TSPAN11: variants seen among roughly 807,000 people sequenced by gnomAD.
The protein encoded by TSPAN11 is tetraspanin-11.
TSPAN11 carries 29 observed loss-of-function variants against 32.9 expected under a neutral mutation model. The observed-to-expected ratio is 0.88, with a 90% CI of 0.66 to 1.20. TSPAN11 has a LOEUF of 1.20. Among genes scored for constraint, TSPAN11 ranks in the 50% most tolerant of loss-of-function variants. The probability of loss-of-function intolerance (pLI) is 0.00; values close to 1 mark genes in which losing one functional copy is unlikely to be tolerated. For missense variants in TSPAN11, 283 were observed against 329.1 expected (o/e 0.86, Z 1.08); for synonymous variants, 140 against 141.3 (o/e 0.99, Z 0.07).
At chr12:30,973,982 G>C (rs190430101) in intron 3 of TSPAN11, among the ~76,000 whole-genome samples, 93 of 152,280 alleles carry the variant, frequency 6.1e-4, no homozygotes, top group Admixed American at 5.2e-3. Context: ...GGTTGTACCT[G>C]GCCTCATGGA....
In TSPAN11 at chr12:30,950,038, G is replaced by A. The variant is rs915628777; in HGVS notation, c.-11-3943G>A. Among the ~76,000 whole-genome samples, 31 of 152,020 alleles carry A rather than the reference G, an allele frequency of 2.0e-4. 1 individual carries two copies. The highest frequency in any genetic ancestry group is 2.0e-3 in the Admixed American group (30 of 15,268). On this transcript the variant is annotated intron_variant, in intron 1 of 7. Transcript: ENST00000546076. The stretch of plus-strand genomic sequence containing the variant: ...TCCTCCCCTGCCTCTTACACACACT[G>A]CCTGCCTGATGGGACCTCCTCTCTA...
chr12:31,013,933 C>T, the TSPAN11 span, among the ~76,000 whole-genome samples: 19 of 152,184 alleles, frequency 1.2e-4, no homozygotes, highest in African/African-American at 4.6e-4. Context: ...GAATTTCAGA[C>T]TTAGGAAAAA....
the TSPAN11 span, among the ~76,000 whole-genome samples, chr12:31,010,406 T>C: frequency 6.6e-6 from 1 of 152,224 alleles, no homozygotes; most frequent in African/African-American, 2.4e-5. Context: ...TCATTACTTC[T>C]GAGTTCAGGC....
chr12:30,941,605 T>C (rs146115596), intron 1 of TSPAN11, among the ~76,000 whole-genome samples: 438 of 152,298 alleles, frequency 2.9e-3, no homozygotes, highest in African/African-American at 0.01. Flanking sequence ...CTAGCCCCCC[T>C]TAAGTTACAA....
intron 3 of TSPAN11, among the ~76,000 whole-genome samples, chr12:30,976,097 G>A (rs1022449675): frequency 3.3e-5 from 5 of 152,282 alleles, no homozygotes; most frequent in Non-Finnish European, 7.4e-5. Context: ...GGGTGAGGGT[G>A]AATGTGTAGC....
At chr12:30,945,757 A>G (rs1026897056) in intron 1 of TSPAN11, among the ~76,000 whole-genome samples, 1 of 152,052 alleles carries the variant, frequency 6.6e-6, no homozygotes, top group African/African-American at 2.4e-5. Context: ...GCCCTGAAGA[A>G]AGTCGCCAAA....
At chr12:31,005,024 G>A in the TSPAN11 span, among the ~76,000 whole-genome samples, 6 of 152,202 alleles carry the variant, frequency 3.9e-5, no homozygotes, top group South Asian at 2.1e-4. Flanking sequence ...TCCTCTCCAC[G>A]CATTCTGAGC....
At chr12:30,936,361 C>A (rs938147955) in intron 1 of TSPAN11, among the ~76,000 whole-genome samples, 5 of 152,202 alleles carry the variant, frequency 3.3e-5, no homozygotes, top group Admixed American at 2.6e-4. Context: ...TTTCTTCATT[C>A]TTTTTCTTTG....
chr12:30,940,075 T>A (rs1031610425), intron 1 of TSPAN11, among the ~76,000 whole-genome samples: 1 of 152,186 alleles, frequency 6.6e-6, no homozygotes, highest in Admixed American at 6.5e-5. Flanking sequence ...CAAAGGGCCC[T>A]GTTGGGAGAA....
the TSPAN11 span, among the ~76,000 whole-genome samples, chr12:31,009,074 T>A: frequency 6.6e-6 from 1 of 152,128 alleles, no homozygotes; most frequent in African/African-American, 2.4e-5. Context: ...TGACTAACAC[T>A]ATAAAACCTC....
intron 3 of TSPAN11, among the ~76,000 whole-genome samples, chr12:30,973,776 T>C (rs1938902183): frequency 6.6e-6 from 1 of 152,328 alleles, no homozygotes; most frequent in South Asian, 2.1e-4. Context: ...CTGACTTTTG[T>C]ATAATAATTC....
At position 30,964,003 on chromosome 12, in the gene TSPAN11, G is replaced by T; in HGVS notation, c.262G>T (p.Gly88Cys). The change falls in exon 3 of 8, where the codon GGC (glycine) becomes TGC (cysteine). Residue 88 changes from glycine (G) to cysteine (C), a missense_variant. Transcript: ENST00000546076. The part of the protein sequence containing the change: ...GFGAILWERK[G>C]CLSTYFCLLL... ...CGGTGCCATCCTCTGGGAGCGGAAG[G>T]GCTGCCTCTCCACGGTCAGTGCCCG... 6.2e-7 allele frequency: 1 copy of T among 1,613,594 alleles called. No individual in the cohort carries two copies. Among genetic ancestry groups the T allele is most frequent in the South Asian group, 1.1e-5 (1 of 91,068 alleles).
At chr12:30,958,368 G>T (rs1938541727) in intron 2 of TSPAN11, among the ~76,000 whole-genome samples, 1 of 152,206 alleles carries the variant, frequency 6.6e-6, no homozygotes, top group Non-Finnish European at 1.5e-5. Context: ...AGGAGCATGG[G>T]CAGAGCTGGG....
At chr12:30,987,894 T>C (rs1939231207) in intron 7 of TSPAN11, among the ~76,000 whole-genome samples, 1 of 112,524 alleles carries the variant, frequency 8.9e-6, no homozygotes, top group African/African-American at 4.6e-5. Context: ...AGGGGAACAG[T>C]AGGTGGAATT....
chr12:30,938,874 T>C (rs1938099332), intron 1 of TSPAN11, among the ~76,000 whole-genome samples: 1 of 152,172 alleles, frequency 6.6e-6, no homozygotes, highest in African/African-American at 2.4e-5. Context: ...ACTTTGACTT[T>C]GGCATCAGCA....
intron 1 of TSPAN11, among the ~76,000 whole-genome samples, chr12:30,928,808 C>T (rs1937855562): frequency 6.6e-6 from 1 of 152,156 alleles, no homozygotes; most frequent in Non-Finnish European, 1.5e-5. Flanking sequence ...TAGCCACCTC[C>T]CAGCCATGAT....
At chr12:30,932,382 C>T (rs943684979) in intron 1 of TSPAN11, among the ~76,000 whole-genome samples, 2 of 152,122 alleles carry the variant, frequency 1.3e-5, no homozygotes, top group African/African-American at 4.8e-5. Flanking sequence ...CTACACAATT[C>T]CGATTTCATA....
At chr12:30,999,779 C>T (rs575516885), downstream of TSPAN11, among the ~76,000 whole-genome samples, 6 of 152,166 alleles carry the variant, frequency 3.9e-5, no homozygotes, top group South Asian at 4.1e-4. Context: ...TTCCAGAACT[C>T]GGTAACCAGA....
At chr12:31,004,759 G>A in the TSPAN11 span, among the ~76,000 whole-genome samples, 16 of 152,220 alleles carry the variant, frequency 1.1e-4, no homozygotes, top group Non-Finnish European at 2.2e-4. Flanking sequence ...ATGCAGTGGA[G>A]GGCAGGAGGA....
Sources: gnomAD v4.1 joint callset for allele counts (sites outside exome capture counted in the v4.1 genomes callset) on GRCh38, gnomAD v4.1.1 for gene constraint, MANE v1.5 for transcripts, NCBI Gene and HGNC (gene_info 2026-07-23, HGNC 2026-07-21) for gene names.